The following DNM3 variants were observed in gnomAD, a reference collection of about 807,000 sequenced individuals.
DNM3 encodes the protein dynamin 3, also known as dynamin-3.
DNM3 carries 47 observed loss-of-function variants against 101.6 expected under a neutral mutation model. The ratio of observed to expected loss-of-function variants is 0.46; its 90% CI spans 0.37 to 0.59. DNM3 has a LOEUF of 0.59. DNM3 is among the 20% of genes least tolerant of loss of function. DNM3 has a pLI of 0.00. For synonymous variants in DNM3, 385 were observed against 387.9 expected (o/e 0.99, Z 0.09); for missense variants, 849 against 1,085.7 (o/e 0.78, Z 3.06).
intron 1 of DNM3, among the ~76,000 whole-genome samples, chr1:171,896,557 A>G (rs144017538): frequency 2.0e-5 from 3 of 152,164 alleles, no homozygotes; most frequent in African/African-American, 7.2e-5. Flanking sequence ...GGCTGACACG[A>G]TGGGGTTTTC....
intron 4 of DNM3, among the ~76,000 whole-genome samples, chr1:172,030,101 C>T (rs1197807866): frequency 1.3e-5 from 2 of 152,156 alleles, no homozygotes; most frequent in African/African-American, 2.4e-5. Context: ...GTAGCCAAGA[C>T]AATCCTAAGC....
At chr1:171,988,548 T>A (rs2045430069) in intron 3 of DNM3, among the ~76,000 whole-genome samples, 2 of 151,122 alleles carry the variant, frequency 1.3e-5, no homozygotes, top group Non-Finnish European at 2.9e-5. Flanking sequence ...AAAAAAAAAA[T>A]GATACTTTTT....
intron 17 of DNM3, among the ~76,000 whole-genome samples, chr1:172,331,163 G>T (rs574845273): frequency 5.3e-5 from 8 of 151,972 alleles, no homozygotes; most frequent in Non-Finnish European, 8.8e-5. Context: ...TGGACCAATC[G>T]TTCTTCCTTA....
intron 15 of DNM3, among the ~76,000 whole-genome samples, chr1:172,285,280 G>A (rs185996598): frequency 6.6e-6 from 1 of 152,246 alleles, no homozygotes; most frequent in Admixed American, 6.5e-5. Context: ...TCACTCTATA[G>A]CCAAGCCTCA....
intron 1 of DNM3, among the ~76,000 whole-genome samples, chr1:171,856,887 A>G (rs577705229): frequency 8.5e-5 from 13 of 152,282 alleles, no homozygotes; most frequent in African/African-American, 2.9e-4. Flanking sequence ...CAGTCTTTCA[A>G]TTTTTCTTTG....
chr1:172,279,031 T>A (rs534952516), intron 15 of DNM3, among the ~76,000 whole-genome samples: 3 of 152,232 alleles, frequency 2.0e-5, no homozygotes, highest in African/African-American at 7.2e-5. Flanking sequence ...TGTATGTCAT[T>A]TTTCTCCCTT....
At chr1:172,000,189 A>G (rs1020568036) in intron 4 of DNM3, among the ~76,000 whole-genome samples, 1 of 152,072 alleles carries the variant, frequency 6.6e-6, no homozygotes, top group African/African-American at 2.4e-5. Context: ...GGAAAATAGC[A>G]GAGGTGATGA....
At chr1:172,211,314 G>C (rs1001739378) in intron 14 of DNM3, among the ~76,000 whole-genome samples, 4 of 152,040 alleles carry the variant, frequency 2.6e-5, no homozygotes, top group African/African-American at 9.7e-5. Context: ...ACAAAATCCA[G>C]CTGAAACTGA....
chr1:171,886,482 G>A (rs749774256), intron 1 of DNM3, among the ~76,000 whole-genome samples: 13 of 152,200 alleles, frequency 8.5e-5, no homozygotes, highest in Non-Finnish European at 1.5e-4. Context: ...TGGTATCACT[G>A]TGGCTGGAAC....
intron 2 of DNM3, among the ~76,000 whole-genome samples, chr1:171,944,186 C>T (rs1313458165): frequency 3.9e-5 from 6 of 152,034 alleles, no homozygotes; most frequent in Admixed American, 3.9e-4. Context: ...GAATTTCATA[C>T]AGTCTTCACA....
intron 1 of DNM3, among the ~76,000 whole-genome samples, chr1:171,893,011 G>A (rs1326401771): frequency 6.7e-6 from 1 of 150,050 alleles, no homozygotes; most frequent in Non-Finnish European, 1.5e-5. Context: ...GCAAGAGTTG[G>A]GGACCCCTGA....
chr1:171,928,785 T>C (rs2040779496), intron 2 of DNM3, among the ~76,000 whole-genome samples: 1 of 152,112 alleles, frequency 6.6e-6, no homozygotes, highest in South Asian at 2.1e-4. Flanking sequence ...TGGAGGACCT[T>C]CCCGGTGAGG....
intron 12 of DNM3, among the ~76,000 whole-genome samples, chr1:172,088,082 C>T (rs1055988512): frequency 6.6e-5 from 10 of 152,152 alleles, no homozygotes; most frequent in African/African-American, 1.9e-4. Flanking sequence ...GAATTCCATA[C>T]GTATTTCTTA....
chr1:172,169,424 T>G (rs2058867438), intron 14 of DNM3, among the ~76,000 whole-genome samples: 1 of 151,978 alleles, frequency 6.6e-6, no homozygotes, highest in Non-Finnish European at 1.5e-5. Flanking sequence ...CCCATAATCT[T>G]TTCATCCTAT....
chr1:171,884,742 A>G (rs1032900586), intron 1 of DNM3, among the ~76,000 whole-genome samples: 2 of 152,170 alleles, frequency 1.3e-5, no homozygotes, highest in African/African-American at 4.8e-5. Context: ...TGTTCACATG[A>G]TGTCAACAGG....
chr1:172,200,040 G>A (rs1189358045), intron 14 of DNM3, among the ~76,000 whole-genome samples: 1 of 151,986 alleles, frequency 6.6e-6, no homozygotes, highest in Non-Finnish European at 1.5e-5. Context: ...GTTTTAGCTG[G>A]TAGTGGTCTT....
chr1:172,367,682 T>C (rs1046696165), intron 17 of DNM3, among the ~76,000 whole-genome samples: 1 of 151,998 alleles, frequency 6.6e-6, no homozygotes, highest in East Asian at 1.9e-4. Flanking sequence ...CCAAACTATA[T>C]GCCGCCTACA....
chr1:171,903,600 G>A (rs1206464849), intron 1 of DNM3, among the ~76,000 whole-genome samples: 1 of 152,160 alleles, frequency 6.6e-6, no homozygotes, highest in Non-Finnish European at 1.5e-5. Context: ...CTTGTTTAAG[G>A]TCCTGTAGCT....
chr1:172,243,976 T>C (rs2061846597), intron 14 of DNM3, among the ~76,000 whole-genome samples: 1 of 152,170 alleles, frequency 6.6e-6, no homozygotes, highest in Non-Finnish European at 1.5e-5. Flanking sequence ...TAACTCGTCA[T>C]CTAGCATTAG....
Sources: allele counts gnomAD v4.1 joint callset (sites outside exome capture counted in the v4.1 genomes callset), GRCh38; gene constraint gnomAD v4.1.1; transcripts MANE v1.5; gene names NCBI Gene and HGNC (gene_info 2026-07-23, HGNC 2026-07-21).